ATL1: variants seen among roughly 807,000 people sequenced by gnomAD.
The protein encoded by ATL1 is atlastin GTPase 1.
Under a neutral mutation model 75.5 loss-of-function variants are expected in ATL1, and 31 were observed. That is an observed-to-expected ratio of 0.41 (90% CI 0.31 to 0.55). The LOEUF (loss-of-function observed/expected upper bound fraction) is 0.55. ATL1 is among the 20% of genes least tolerant of loss of function. ATL1 has a pLI of 0.27. For synonymous variants in ATL1, 226 were observed against 233.3 expected, an observed-to-expected ratio of 0.97 and a Z score of 0.28; for missense variants, 405 against 662.6, an observed-to-expected ratio of 0.61 and a Z score of 4.27.
At chr14:50,624,614 G>A (rs1347036022) in intron 11 of ATL1, among the ~76,000 whole-genome samples, 1 of 152,038 alleles carries the variant, frequency 6.6e-6, no homozygotes, top group African/African-American at 2.4e-5. Flanking sequence ...AAGTGTTGAA[G>A]TTCAAAGAGA....
intron 6 of ATL1, among the ~76,000 whole-genome samples, chr14:50,611,152 G>C (rs1041197156): frequency 3.9e-5 from 6 of 152,118 alleles, no homozygotes; most frequent in African/African-American, 1.4e-4. Context: ...GGACTGTTCA[G>C]AGAGAGAAAG....
At chr14:50,544,870 G>C (rs1316723754) in intron 1 of ATL1, among the ~76,000 whole-genome samples, 1 of 147,618 alleles carries the variant, frequency 6.8e-6, no homozygotes, top group Non-Finnish European at 1.5e-5. Flanking sequence ...CTGGGAGATG[G>C]ATGCTGCAAT....
chr14:50,628,338 T>A lies in ATL1; in HGVS notation c.1427T>A (p.Leu476Gln). ...GFIGLDIIASLCNMIMGLTLI... is the reference protein window; with the variant it reads ...GFIGLDIIASQCNMIMGLTLI... ...ATTGGTTTGGACATCATAGCTAGCC[T>A]ATGCAATATGATAATGGGACTGACC... The change falls in exon 12 of 14, where the codon CTA becomes CAA. Residue 476 changes from leucine to glutamine, a missense_variant. By Grantham distance (113) the Leu-to-Gln change is moderately radical. Coordinates refer to ENST00000358385, the MANE Select transcript of ATL1 (RefSeq NM_015915.5). 1 of 1,614,222 alleles carries A rather than the reference T, an allele frequency of 6.2e-7. No individual in the cohort carries two copies. The highest frequency in any genetic ancestry group is 8.5e-7 in the Non-Finnish European group (1 of 1,180,040).
rs186728975 is a variant in ATL1, at chr14:50,539,937, A to G, written c.-140+6570A>G. On this transcript the variant is annotated intron_variant, in intron 1 of 13. Transcript: ENST00000441560. ...GATGGGATGTTGGATTTGCTCTGTT[A>G]TAGTCATTCTGCTTAGTCAAACTCT... Among the ~76,000 whole-genome samples, 454 of 152,264 alleles carry G rather than the reference A, an allele frequency of 3.0e-3. 1 individual carries two copies. The highest frequency in any genetic ancestry group is 3.2e-3 in the Non-Finnish European group (220 of 68,030).
chr14:50,584,674 A>C (rs1235786692), intron 1 of ATL1, among the ~76,000 whole-genome samples: 1 of 151,988 alleles, frequency 6.6e-6, no homozygotes, highest in Admixed American at 6.6e-5. Flanking sequence ...GCGCCACTGC[A>C]CTCCAGCCTG....
chr14:50,590,517 G>A (rs1566723812), intron 2 of ATL1, among the ~76,000 whole-genome samples: 1 of 151,956 alleles, frequency 6.6e-6, no homozygotes. Flanking sequence ...TGCTTCCCTG[G>A]AAAATTCCTA....
chr14:50,537,042 A>G (rs919220194), intron 1 of ATL1, among the ~76,000 whole-genome samples: 1 of 152,276 alleles, frequency 6.6e-6, no homozygotes, highest in Non-Finnish European at 1.5e-5. Flanking sequence ...AAATGCCTTC[A>G]GGGCGTGTCA....
At chr14:50,604,758 T>C (rs2039301487) in intron 6 of ATL1, among the ~76,000 whole-genome samples, 1 of 151,976 alleles carries the variant, frequency 6.6e-6, no homozygotes, top group African/African-American at 2.4e-5. Context: ...GGGTATAGAG[T>C]TGCTGCATTG....
chr14:50,618,891 ATTTT>A (rs67681265), intron 8 of ATL1, among the ~76,000 whole-genome samples: 3 of 95,650 alleles, frequency 3.1e-5, no homozygotes, highest in Admixed American at 3.0e-4. Flanking sequence ...ATATATATAT[ATTTT>A]TTTTTCTTTC....
At chr14:50,571,279 A>G (rs1479226074) in intron 1 of ATL1, among the ~76,000 whole-genome samples, 1 of 152,188 alleles carries the variant, frequency 6.6e-6, no homozygotes, top group East Asian at 1.9e-4. Context: ...CACAACCTGC[A>G]TTCAAGCTGC....
chr14:50,595,671 T>A, intron 6 of ATL1, 39 bp downstream of exon 6: 1 of 1,584,712 alleles, frequency 6.3e-7, no homozygotes, highest in Non-Finnish European at 8.7e-7. Flanking sequence ...CTTACTAGAT[T>A]TTCCTGAAGA....
chr14:50,582,831 A>G (rs1378398561), intron 1 of ATL1, among the ~76,000 whole-genome samples: 2 of 152,158 alleles, frequency 1.3e-5, no homozygotes, highest in Non-Finnish European at 2.9e-5. Context: ...TACATGCACA[A>G]TTCCTAAACA....
At chr14:50,597,878 G>A (rs577864694) in intron 6 of ATL1, among the ~76,000 whole-genome samples, 1 of 151,928 alleles carries the variant, frequency 6.6e-6, no homozygotes. Flanking sequence ...TGTGTTTTTA[G>A]TAGAGACAGG....
chr14:50,535,007 C>G (rs1214672867), intron 1 of ATL1, among the ~76,000 whole-genome samples: 2 of 152,170 alleles, frequency 1.3e-5, no homozygotes, highest in African/African-American at 4.8e-5. Flanking sequence ...ACAAACCACC[C>G]AGTTTCATAT....
At chr14:50,599,050 C>A (rs2039247455) in intron 6 of ATL1, among the ~76,000 whole-genome samples, 2 of 149,384 alleles carry the variant, frequency 1.3e-5, no homozygotes, top group African/African-American at 2.4e-5. Context: ...TTTATTAGAC[C>A]CTCTAAAATA....
chr14:50,589,911 A>G (rs1341870572), intron 2 of ATL1, among the ~76,000 whole-genome samples: 1 of 152,246 alleles, frequency 6.6e-6, no homozygotes, highest in East Asian at 1.9e-4. Context: ...ACAATTATCT[A>G]ATGAGATCTT....
At chr14:50,574,490 C>T (rs1672443412) in intron 1 of ATL1, among the ~76,000 whole-genome samples, 1 of 152,096 alleles carries the variant, frequency 6.6e-6, no homozygotes, top group African/African-American at 2.4e-5. Flanking sequence ...CAAAATTCAG[C>T]ACAAAGAGTA....
chr14:50,560,368 G>A, intron 1 of ATL1, 69 bp downstream of exon 1: 1 of 1,579,998 alleles, frequency 6.3e-7, no homozygotes. Flanking sequence ...TGCTTCTGTG[G>A]AGACAGGGAG....
At chr14:50,555,834 C>T (rs533129456), upstream of ATL1, among the ~76,000 whole-genome samples, 2 of 152,224 alleles carry the variant, frequency 1.3e-5, no homozygotes, top group South Asian at 4.1e-4. Context: ...TTTTGTGTTA[C>T]CGCCAAAAGC....
Sources: allele counts gnomAD v4.1 joint callset (sites outside exome capture counted in the v4.1 genomes callset), GRCh38; gene constraint gnomAD v4.1.1; transcripts MANE v1.5; gene names NCBI Gene and HGNC (gene_info 2026-07-23, HGNC 2026-07-21).